The following TRPM7 variants were observed in gnomAD, a reference collection of about 807,000 sequenced individuals.
TRPM7 encodes the protein transient receptor potential cation channel subfamily M member 7.
Under a neutral mutation model 229.7 loss-of-function variants are expected in TRPM7, and 134 were observed. The observed-to-expected ratio is 0.58, with a 90% CI of 0.51 to 0.67. The LOEUF is 0.67. TRPM7 is among the 30% of genes least tolerant of loss of function. The pLI is 0.00. For missense variants in TRPM7, 1,901 were observed against 2,210.0 expected (o/e 0.86, Z 2.80); for synonymous variants, 699 against 715.2 (o/e 0.98, Z 0.36).
intron 1 of TRPM7, among the ~76,000 whole-genome samples, chr15:50,684,656 GA>G (rs931910258): frequency 3.3e-5 from 5 of 149,556 alleles, no homozygotes; most frequent in Non-Finnish European, 7.4e-5. Context: ...AAAGAAAAAA[GA>G]AAAAAAAATA....
In TRPM7 at chr15:50,655,768, C is replaced by T. The variant is rs189775170; in HGVS notation, c.122+2013G>A. Among the ~76,000 whole-genome samples, 237 of 152,242 alleles carry T rather than the reference C, an allele frequency of 1.6e-3. 4 individuals carry two copies. The highest frequency in any genetic ancestry group is 6.8e-3 in the Middle Eastern group (2 of 294). On this transcript the variant is annotated intron_variant, in intron 3 of 38. Coordinates refer to ENST00000646667, the MANE Select transcript of TRPM7 (RefSeq NM_017672.6). ...ATTCCAGCACTTTGGGAGGCCAAGG[C>T]AGGCAGATCACAAGGTCAGGAGACC...
At chr15:50,665,926 G>A (rs1447921952) in intron 1 of TRPM7, among the ~76,000 whole-genome samples, 1 of 152,154 alleles carries the variant, frequency 6.6e-6, no homozygotes, top group Non-Finnish European at 1.5e-5. Context: ...GTGGAAGGCA[G>A]AGCTTGCAGT....
At chr15:50,604,091 A>G (rs551533931) in intron 21 of TRPM7, 2 of 152,336 alleles carry the variant, frequency 1.3e-5, no homozygotes, top group African/African-American at 4.8e-5. Context: ...GAAAACTAAA[A>G]GGAATTACGG....
intron 1 of TRPM7, among the ~76,000 whole-genome samples, chr15:50,686,256 C>A (rs1246736168): frequency 6.6e-6 from 1 of 152,348 alleles, no homozygotes; most frequent in East Asian, 1.9e-4. Flanking sequence ...GGGCTCGCGC[C>A]TCTGCCGCCT....
chr15:50,592,774 A>G (rs2059538709), intron 25 of TRPM7, 148 bp from the exon 26 acceptor site: 1 of 603,558 alleles, frequency 1.7e-6, no homozygotes, highest in Non-Finnish European at 2.8e-6. Context: ...TTAATTATAC[A>G]AGGCCTACCT....
chr15:50,637,099 C>T (rs1028876709), intron 7 of TRPM7, among the ~76,000 whole-genome samples: 8 of 150,232 alleles, frequency 5.3e-5, no homozygotes, highest in African/African-American at 2.0e-4. Flanking sequence ...GCACTCCAGC[C>T]TGGGTGACAG....
rs765054880 is a variant in TRPM7, at chr15:50,635,664, CAAAAAAAAAAAA to C, written c.833-1120_833-1109del. Among the ~76,000 whole-genome samples the C allele has an allele frequency of 1.6e-3, 88 of 56,580 alleles. 1 individual carries two copies. The highest frequency in any genetic ancestry group is 3.9e-3 in the African/African-American group (74 of 18,966). The allele number at this position is 56,580 out of a possible 152,430, so 37.1% of individuals were successfully genotyped here. On this transcript the variant is annotated intron_variant, in intron 7 of 38. Transcript: ENST00000646667. Reference sequence around the variant, plus strand: ...AGCAACAGAGCAAGACTCCATCTCCCAAAAAAAAAAAAAAAAAAAAAAAAAAAGAGGACGGCT... The same window carrying C: ...AGCAACAGAGCAAGACTCCATCTCCCAAAAAAAAAAAAAAAGAGGACGGCT...
chr15:50,591,391 T>C (rs1027407786), intron 26 of TRPM7, among the ~76,000 whole-genome samples: 16 of 152,316 alleles, frequency 1.1e-4, no homozygotes, highest in African/African-American at 3.1e-4. Context: ...ATTGAAGATA[T>C]TCAAATTCAA....
At chr15:50,622,850 C>T (rs530832320) in intron 12 of TRPM7, among the ~76,000 whole-genome samples, 96 of 151,994 alleles carry the variant, frequency 6.3e-4, no homozygotes, top group South Asian at 2.9e-3. Flanking sequence ...CGTGCCACTG[C>T]GCTCCAGCTT....
At chr15:50,621,699 T>C (rs962353239) in intron 12 of TRPM7, among the ~76,000 whole-genome samples, 1 of 152,206 alleles carries the variant, frequency 6.6e-6, no homozygotes, top group African/African-American at 2.4e-5. Flanking sequence ...CAAACGTGTT[T>C]TCCTCTTCTC....
intron 24 of TRPM7, 144 bp from the exon 25 acceptor site, chr15:50,593,893 C>CACTA: frequency 1.3e-6 from 1 of 760,484 alleles, no homozygotes; most frequent in Non-Finnish European, 2.0e-6. Flanking sequence ...GCTTCTAAAG[C>CACTA]ACTAGACAAT....
At chr15:50,676,429 A>G (rs536305243) in intron 1 of TRPM7, among the ~76,000 whole-genome samples, 1 of 152,192 alleles carries the variant, frequency 6.6e-6, no homozygotes, top group African/African-American at 2.4e-5. Context: ...GACAAAAGAT[A>G]AAAAAGAGGC....
intron 1 of TRPM7, among the ~76,000 whole-genome samples, chr15:50,664,160 T>C (rs1338527638): frequency 6.6e-6 from 1 of 151,752 alleles, no homozygotes; most frequent in African/African-American, 2.4e-5. Context: ...TAGCTGGGTG[T>C]GGTGGCGTGT....
In TRPM7 at chr15:50,580,924, AACAC is replaced by A; in HGVS notation, c.4558-20_4558-17del. ...GTAACCAATCCTTCAGTAAAAAAAAAACACACACACACAAAAACCTTAAAGACAA... is the reference window on the plus strand; with the variant it reads ...GTAACCAATCCTTCAGTAAAAAAAAAACACACACAAAAACCTTAAAGACAA... On this transcript the variant is annotated splice_polypyrimidine_tract_variant and intron_variant, in intron 29 of 38. Transcript: ENST00000646667. 2 of 1,570,798 alleles carry A rather than the reference AACAC, an allele frequency of 1.3e-6. No homozygotes were observed. The highest frequency in any genetic ancestry group is 8.6e-7 in the Non-Finnish European group (1 of 1,164,404).
At chr15:50,570,396 A>G (rs2053819633) in intron 36 of TRPM7, among the ~76,000 whole-genome samples, 1 of 152,180 alleles carries the variant, frequency 6.6e-6, no homozygotes, top group Admixed American at 6.5e-5. Context: ...TAAACGTCAG[A>G]GTTGGTAGGT....
At chr15:50,645,925 C>T (rs1005557015) in intron 4 of TRPM7, among the ~76,000 whole-genome samples, 2 of 152,018 alleles carry the variant, frequency 1.3e-5, no homozygotes, top group African/African-American at 4.8e-5. Flanking sequence ...GAGGCGGAGG[C>T]GGAGGCAGGT....
Position 50,657,849 on chromosome 15 carries a change from T to C in TRPM7, c.84-30A>G. ...TGAACACAAAAAGGTAAATAAATTA[T>C]TTCAGGTGAAAAACTTTCTGATTTT... On this transcript the variant is annotated intron_variant, in intron 2 of 38. Coordinates refer to ENST00000646667, the MANE Select transcript of TRPM7 (RefSeq NM_017672.6). 2.5e-6 allele frequency: 4 copies of C among 1,589,406 alleles called. No homozygotes were observed. In the South Asian group the frequency reaches 3.4e-5, roughly 14 times the overall value.
At chr15:50,571,961 G>A (rs1462498904) in intron 36 of TRPM7, among the ~76,000 whole-genome samples, 1 of 152,208 alleles carries the variant, frequency 6.6e-6, no homozygotes, top group Non-Finnish European at 1.5e-5. Flanking sequence ...GGCACTGCGT[G>A]CTACAGAAGT....
chr15:50,669,230 T>C (rs1412981542), intron 1 of TRPM7, among the ~76,000 whole-genome samples: 4 of 152,000 alleles, frequency 2.6e-5, no homozygotes, highest in Non-Finnish European at 4.4e-5. Context: ...TCACCTGAGG[T>C]CTGGAGTTCG....
Sources: allele counts gnomAD v4.1 joint callset (sites outside exome capture counted in the v4.1 genomes callset), GRCh38; gene constraint gnomAD v4.1.1; transcripts MANE v1.5; gene names NCBI Gene and HGNC (gene_info 2026-07-23, HGNC 2026-07-21).